ALDH7A1: variants seen among roughly 807,000 people sequenced by gnomAD.
ALDH7A1 encodes the protein aldehyde dehydrogenase 7 family member A1.
In ALDH7A1, 63 loss-of-function variants were observed where a neutral mutation model predicts 79.9. The observed-to-expected ratio is 0.79, with a 90% CI of 0.64 to 0.97. ALDH7A1 has a LOEUF of 0.97. Ranked by LOEUF, ALDH7A1 falls within the 50% of genes least tolerant of loss-of-function variation. ALDH7A1 has a pLI of 0.00. For missense variants in ALDH7A1, 627 were observed against 665.2 expected, an observed-to-expected ratio of 0.94 and a Z score of 0.63; for synonymous variants, 240 against 231.2, an observed-to-expected ratio of 1.04 and a Z score of -0.34.
At chr5:126,594,086 AT>A (rs1751655032) in intron 1 of ALDH7A1, 1 of 385,188 alleles carries the variant, frequency 2.6e-6, no homozygotes, top group African/African-American at 2.1e-5. Context: ...TTAAAAAAAA[AT>A]CTGGGCGATA....
At chr5:126,568,609 A>G in intron 8 of ALDH7A1, 1 of 492,698 alleles carries the variant, frequency 2.0e-6, no homozygotes, top group Admixed American at 3.2e-5. Flanking sequence ...GTTAGGGAAG[A>G]AAGTCTTTCC....
At position 126,541,876 on chromosome 5, in the gene ALDH7A1, AAATT is replaced by A. The variant is rs1749606211; in HGVS notation, c.*3085_*3088del. The A allele has an allele frequency of 6.6e-6, 1 of 152,184 alleles. No individual in the cohort carries two copies. The highest frequency in any genetic ancestry group is 2.4e-5 in the African/African-American group (1 of 41,442). 9.4% of individuals were successfully genotyped at this position (152,184 alleles called of 1,614,324 possible). ...GGAATTATTTTTATTTTTAAAAGGG[AAATT>A]AACGTAGACAAATCGTAACATGTAC... On this transcript the variant is annotated 3_prime_UTR_variant, in exon 18 of 18. Coordinates refer to ENST00000409134, the MANE Select transcript of ALDH7A1 (RefSeq NM_001182.5).
At chr5:126,585,530 A>G (rs989211527) in intron 3 of ALDH7A1, among the ~76,000 whole-genome samples, 4 of 152,136 alleles carry the variant, frequency 2.6e-5, no homozygotes, top group Non-Finnish European at 5.9e-5. Flanking sequence ...TTTGCAATCT[A>G]TTAACATTTA....
chr5:126,583,049 A>G, intron 4 of ALDH7A1, 75 bp from the exon 5 acceptor site: 1 of 1,553,396 alleles, frequency 6.4e-7, no homozygotes, highest in Non-Finnish European at 8.9e-7. Context: ...AGAAAGGGGG[A>G]AGCAAAACAT....
At chr5:126,553,980 C>A (rs1750089209) in intron 13 of ALDH7A1, among the ~76,000 whole-genome samples, 1 of 148,612 alleles carries the variant, frequency 6.7e-6, no homozygotes, top group African/African-American at 2.5e-5. Context: ...TGGTGACATG[C>A]ACCTGTAATC....
At chr5:126,586,148 T>C (rs553323668) in intron 3 of ALDH7A1, 2 of 152,356 alleles carry the variant, frequency 1.3e-5, no homozygotes, top group East Asian at 3.9e-4. Context: ...AATGGTTTTT[T>C]GTGGGGAATG....
chr5:126,570,171 G>A (rs925663537), intron 8 of ALDH7A1: 1 of 152,784 alleles, frequency 6.5e-6, no homozygotes, highest in Non-Finnish European at 1.5e-5. Flanking sequence ...ACTGCCAGTG[G>A]GTATGGGATT....
In ALDH7A1 at chr5:126,552,148, G is replaced by T. The variant is rs1181015363; in HGVS notation, c.1201-11C>A. 3 of 1,603,538 alleles carry T rather than the reference G, an allele frequency of 1.9e-6. No individual in the cohort carries two copies. The highest frequency in any genetic ancestry group is 1.7e-6 in the Non-Finnish European group (2 of 1,170,530). On this transcript the variant is annotated splice_polypyrimidine_tract_variant and intron_variant, in intron 13 of 17. Coordinates refer to ENST00000409134, the MANE Select transcript of ALDH7A1 (RefSeq NM_001182.5). ...AGGGCGATCCATAACCTAATGCAGA[G>T]AAATGAAATAAAAAGAATGAAAGCA...
At chr5:126,584,765 T>C (rs1751304853) in intron 3 of ALDH7A1, among the ~76,000 whole-genome samples, 1 of 146,524 alleles carries the variant, frequency 6.8e-6, no homozygotes, top group African/African-American at 2.6e-5. Context: ...ATGCAGGAAA[T>C]GAAGAGAATT....
chr5:126,547,682 A>G (rs1749837277), intron 16 of ALDH7A1, among the ~76,000 whole-genome samples: 1 of 152,236 alleles, frequency 6.6e-6, no homozygotes, highest in African/African-American at 2.4e-5. Context: ...AAAGCTTTCA[A>G]GGAGACAGCA....
At chr5:126,570,544 G>A in intron 8 of ALDH7A1, 1 of 476,406 alleles carries the variant, frequency 2.1e-6, no homozygotes, top group Non-Finnish European at 3.8e-6. Context: ...GTTATTTCAG[G>A]ATATAAACAC....
intron 14 of ALDH7A1, 88 bp from the exon 15 acceptor site, chr5:126,550,381 A>C: frequency 1.0e-6 from 1 of 978,082 alleles, no homozygotes; most frequent in South Asian, 1.3e-5. Flanking sequence ...GAAGTGTACC[A>C]GTATAATTTC....
intron 9 of ALDH7A1, among the ~76,000 whole-genome samples, chr5:126,563,634 G>A (rs1378078250): frequency 6.6e-6 from 1 of 152,042 alleles, no homozygotes; most frequent in African/African-American, 2.4e-5. Flanking sequence ...GGGACTACAG[G>A]CATGCACCAT....
At chr5:126,553,763 G>C (rs1445789576) in intron 13 of ALDH7A1, among the ~76,000 whole-genome samples, 2 of 152,032 alleles carry the variant, frequency 1.3e-5, no homozygotes, top group African/African-American at 4.8e-5. Context: ...AGTGAGCTGA[G>C]ATCGTGCACC....
Position 126,595,207 on chromosome 5 carries a change from C to G in ALDH7A1, c.-9G>C, listed in dbSNP as rs1407281177. On this transcript the variant is annotated 5_prime_UTR_variant, in exon 1 of 18. Coordinates refer to ENST00000409134, the MANE Select transcript of ALDH7A1 (RefSeq NM_001182.5). ...CGAGGAAGGCGCCACATACTGAGCC[C>G]GGGACTCGGGATGAGCCCAAGGCCC... 7 of 1,551,614 alleles carry G rather than the reference C, an allele frequency of 4.5e-6. No individual in the cohort carries two copies. Among genetic ancestry groups the G allele is most frequent in the Non-Finnish European group, 6.1e-6 (7 of 1,147,020 alleles).
chr5:126,565,198 G>C (rs781263729), intron 9 of ALDH7A1, among the ~76,000 whole-genome samples: 4 of 152,016 alleles, frequency 2.6e-5, no homozygotes, highest in Non-Finnish European at 5.9e-5. Flanking sequence ...TTTGAGACCA[G>C]CCTGGCCAAG....
intron 12 of ALDH7A1, among the ~76,000 whole-genome samples, 186 bp downstream of exon 12, chr5:126,555,745 A>G (rs1276687657): frequency 6.6e-6 from 1 of 152,180 alleles, no homozygotes; most frequent in Non-Finnish European, 1.5e-5. Flanking sequence ...CTCACCCACT[A>G]GCACACATCA....
intron 15 of ALDH7A1, 39 bp from the exon 16 acceptor site, chr5:126,550,041 G>T: frequency 6.3e-7 from 1 of 1,596,332 alleles, no homozygotes; most frequent in Non-Finnish European, 8.6e-7. Context: ...CAATGAACAG[G>T]AAATTAAAAA....
chr5:126,550,450 G>T (rs1297507303), intron 14 of ALDH7A1, among the ~76,000 whole-genome samples, 157 bp from the exon 15 acceptor site: 1 of 152,036 alleles, frequency 6.6e-6, no homozygotes, highest in African/African-American at 2.4e-5. Flanking sequence ...TTATAATTCA[G>T]ATCATTGATA....
Sources: gnomAD v4.1 joint callset for allele counts (sites outside exome capture counted in the v4.1 genomes callset) on GRCh38, gnomAD v4.1.1 for gene constraint, MANE v1.5 for transcripts, NCBI Gene and HGNC (gene_info 2026-07-23, HGNC 2026-07-21) for gene names.